The following ALKAL1 variants were observed in gnomAD, a reference collection of about 807,000 sequenced individuals.
The protein encoded by ALKAL1 is ALK and LTK ligand 1.
Under a neutral mutation model 13.5 loss-of-function variants are expected in ALKAL1, and 23 were observed. The observed-to-expected ratio is 1.70, with a 90% confidence interval of 1.23 to 2.41. ALKAL1 has a LOEUF of 2.41. Among genes scored for constraint, ALKAL1 ranks in the 30% most tolerant of loss-of-function variants. The pLI, the probability that ALKAL1 is intolerant of heterozygous loss-of-function variation, is 0.00. For synonymous variants in ALKAL1, 85 were observed against 77.7 expected (o/e 1.09, Z -0.49); for missense variants, 181 against 178.4 (o/e 1.01, Z -0.08).
chr8:52,554,228 C>T (rs1485593046), intron 1 of ALKAL1, among the ~76,000 whole-genome samples: 4 of 152,144 alleles, frequency 2.6e-5, no homozygotes, highest in South Asian at 4.1e-4. Context: ...CCGTCACACA[C>T]ACACAAAAAA....
chr8:52,560,697 A>C (rs1249196435), intron 1 of ALKAL1, among the ~76,000 whole-genome samples: 1 of 152,216 alleles, frequency 6.6e-6, no homozygotes, highest in Non-Finnish European at 1.5e-5. Context: ...TCCTGCAGAA[A>C]GGCCACAATT....
chr8:52,565,066 C>T lies in ALKAL1; in HGVS notation c.190+1G>A. On this transcript the variant is annotated splice_donor_variant, in intron 1 of 4. Coordinates refer to ENST00000358543, the MANE Select transcript of ALKAL1 (RefSeq NM_207413.4). LOFTEE classifies it high-confidence loss of function. ...GATGGGGCGGGATGGGGACATCGTACCTGCGCTCCGGGAGCCGCTGGGAGT... is the reference window on the plus strand; with the variant it reads ...GATGGGGCGGGATGGGGACATCGTATCTGCGCTCCGGGAGCCGCTGGGAGT... 7.2e-7 allele frequency: 1 copy of T among 1,396,060 alleles called. No homozygotes were observed. Among genetic ancestry groups the T allele is most frequent in the South Asian group, 1.6e-5 (1 of 62,362 alleles). 86.5% of individuals were successfully genotyped at this position (1,396,060 alleles called of 1,614,324 possible). A position where few individuals can be genotyped will look rare whatever the true frequency, so the allele number is the denominator to read the frequency against.
At chr8:52,549,804 T>C (rs2150345970) in intron 1 of ALKAL1, among the ~76,000 whole-genome samples, 1 of 151,998 alleles carries the variant, frequency 6.6e-6, no homozygotes, top group Non-Finnish European at 1.5e-5. Flanking sequence ...TAGTCAGGCG[T>C]GGTGGCACAC....
At position 52,534,349 on chromosome 8, in the gene ALKAL1, C is replaced by G. The variant is rs1847247503; in HGVS notation, c.*264G>C. ...CTAGTAAAAATAAAATACAATCACACAATTTTTAATATCTAATTTTCAATA... is the reference window on the plus strand; with the variant it reads ...CTAGTAAAAATAAAATACAATCACAGAATTTTTAATATCTAATTTTCAATA... On this transcript the variant is annotated 3_prime_UTR_variant, in exon 5 of 5. Transcript: ENST00000358543. 3.1e-6 allele frequency: 1 copy of G among 320,774 alleles called. No individual in the cohort carries two copies. The highest frequency in any genetic ancestry group is 5.6e-6 in the Non-Finnish European group (1 of 179,706). The allele number at this position is 320,774 out of a possible 1,614,324, so 19.9% of individuals were successfully genotyped here.
In ALKAL1 at chr8:52,539,930, A is replaced by G. The variant is rs1056705863; in HGVS notation, c.245-19T>C. Reference sequence around the variant, plus strand: ...ACCGGCCCTAGAGCACAGGAAAAGAATGCTTATTATAAACATAGGCATGTT... The same window carrying G: ...ACCGGCCCTAGAGCACAGGAAAAGAGTGCTTATTATAAACATAGGCATGTT... On this transcript the variant is annotated intron_variant, in intron 2 of 4. Coordinates refer to ENST00000358543, the MANE Select transcript of ALKAL1 (RefSeq NM_207413.4). 6.7e-7 allele frequency: 1 copy of G among 1,503,662 alleles called. No homozygotes were observed. Among genetic ancestry groups the G allele is most frequent in the Admixed American group, 1.9e-5 (1 of 53,672 alleles). 93.1% of individuals were successfully genotyped at this position (1,503,662 alleles called of 1,614,324 possible). A position where few individuals can be genotyped will look rare whatever the true frequency, so the allele number is the denominator to read the frequency against.
intron 1 of ALKAL1, among the ~76,000 whole-genome samples, chr8:52,556,376 G>A (rs549794265): frequency 5.2e-4 from 79 of 152,186 alleles, no homozygotes; most frequent in African/African-American, 1.9e-3. Context: ...GGCCGGGCGC[G>A]GTGGCTCACG....
At chr8:52,561,556 C>G (rs1287580191) in intron 1 of ALKAL1, among the ~76,000 whole-genome samples, 2 of 152,158 alleles carry the variant, frequency 1.3e-5, no homozygotes, top group African/African-American at 4.8e-5. Flanking sequence ...CTCCTGAGAG[C>G]TGCCGAAAGG....
At chr8:52,540,295 T>G (rs1847300524) in intron 2 of ALKAL1, among the ~76,000 whole-genome samples, 1 of 152,232 alleles carries the variant, frequency 6.6e-6, no homozygotes, top group South Asian at 2.1e-4. Flanking sequence ...TAGCAATTAA[T>G]GTTTACATGC....
intron 1 of ALKAL1, among the ~76,000 whole-genome samples, chr8:52,561,175 A>G (rs561444961): frequency 2.0e-5 from 3 of 152,334 alleles, no homozygotes; most frequent in African/African-American, 7.2e-5. Flanking sequence ...CACCAGGTAT[A>G]ACTGTCTAAG....
In ALKAL1 at chr8:52,538,896, A is replaced by AATTT. The variant is rs1476467229; in HGVS notation, c.326-393_326-390dup. ...TTATTTTATTTTATTTTGGAATTTT[A>AATTT]ATTTATTTATTTACTTATTTATTTA... is the stretch of plus-strand genomic sequence containing the variant. On this transcript the variant is annotated intron_variant, in intron 3 of 4. Coordinates refer to ENST00000358543, the MANE Select transcript of ALKAL1 (RefSeq NM_207413.4). 3.4e-4 allele frequency among the ~76,000 whole-genome samples: 52 copies of AATTT among 151,936 alleles called. No individual in the cohort carries two copies. The East Asian group carries it at 7.0e-3, about 20-fold the overall frequency.
rs189653812 is a variant in ALKAL1 at position 52,553,573 on chromosome 8, T to C, written c.191-11128A>G. On this transcript the variant is annotated intron_variant, in intron 1 of 4. Coordinates refer to ENST00000358543, the MANE Select transcript of ALKAL1 (RefSeq NM_207413.4). ...GACCGCCAAAGATGCCTTGGGTTTC[T>C]TTTATAAATTCAGGTAGACAAATTA... 3.3e-4 allele frequency among the ~76,000 whole-genome samples: 51 copies of C among 152,308 alleles called. No homozygotes were observed. The East Asian group carries it at 9.5e-3, about 28-fold the overall frequency.
At chr8:52,550,422 T>A (rs914827506) in intron 1 of ALKAL1, among the ~76,000 whole-genome samples, 2 of 137,948 alleles carry the variant, frequency 1.4e-5, no homozygotes, top group Admixed American at 7.1e-5. Flanking sequence ...GTGTGGCGCT[T>A]TTGAGCTGCA....
Position 52,565,260 on chromosome 8 carries a change from C to A in ALKAL1, c.-4G>T. 1 of 1,305,196 alleles carries A rather than the reference C, an allele frequency of 7.7e-7. No homozygotes were observed. Among genetic ancestry groups the A allele is most frequent in the South Asian group, 2.4e-5 (1 of 42,098 alleles). The allele number at this position is 1,305,196 out of a possible 1,614,324, so 80.9% of individuals were successfully genotyped here. A position where few individuals can be genotyped will look rare whatever the true frequency, so the allele number is the denominator to read the frequency against. ...CGCCGGGCTTAAGGGGCCGCATGTT[C>A]GCAAGCCGGGAGGAGAGAGCGGGAG... On this transcript the variant is annotated 5_prime_UTR_variant, in exon 1 of 5. Transcript: ENST00000358543.
intron 2 of ALKAL1, 121 bp downstream of exon 2, chr8:52,542,271 C>A: frequency 1.6e-6 from 1 of 636,080 alleles, no homozygotes; most frequent in Middle Eastern, 2.6e-4. Context: ...CCGTCCATCT[C>A]CCCAACTGGA....
rs895556535 is a variant in ALKAL1 at position 52,534,394 on chromosome 8, T to C, written c.*219A>G. 9 of 376,908 alleles carry C rather than the reference T, an allele frequency of 2.4e-5. No homozygotes were observed. The highest frequency in any genetic ancestry group is 1.7e-4 in the African/African-American group (8 of 48,134). The allele number at this position is 376,908 out of a possible 1,614,324, so 23.3% of individuals were successfully genotyped here. On this transcript the variant is annotated 3_prime_UTR_variant, in exon 5 of 5. Transcript: ENST00000358543. ...TCAATATGCGATTCAAACTCTGTTT[T>C]ACAAAATTATAAATTACTGTATACA...
chr8:52,562,828 T>C (rs1847564465), intron 1 of ALKAL1, among the ~76,000 whole-genome samples: 1 of 152,108 alleles, frequency 6.6e-6, no homozygotes, highest in Non-Finnish European at 1.5e-5. Flanking sequence ...TGCGAGATAT[T>C]TTCCTCCTGA....
At position 52,562,734 on chromosome 8, in the gene ALKAL1, GGTGCTTATTAC is replaced by G. The variant is rs200165302; in HGVS notation, c.190+2322_190+2332del. Among the ~76,000 whole-genome samples the G allele has an allele frequency of 5.8e-3, 883 of 152,290 alleles. 9 individuals are homozygous for G. Among genetic ancestry groups the G allele is most frequent in the African/African-American group, 0.021 (855 of 41,554 alleles). On this transcript the variant is annotated intron_variant, in intron 1 of 4. Coordinates refer to ENST00000358543, the MANE Select transcript of ALKAL1 (RefSeq NM_207413.4). ...AACAGGTACGTTAGGCCTGGGTGAT[GGTGCTTATTAC>G]GTCACTACAGAAATATGGGGCCATC... is the stretch of plus-strand genomic sequence containing the variant.
intron 1 of ALKAL1, among the ~76,000 whole-genome samples, chr8:52,554,089 T>C (rs1026165274): frequency 6.6e-5 from 10 of 152,132 alleles, no homozygotes; most frequent in African/African-American, 2.4e-4. Flanking sequence ...CTGGGCATGG[T>C]GGCGCATGCC....
chr8:52,551,280 T>C (rs1847424775), intron 1 of ALKAL1, among the ~76,000 whole-genome samples: 1 of 151,926 alleles, frequency 6.6e-6, no homozygotes. Context: ...CTTCCGAAAA[T>C]AGAAAATATT....
Sources: allele counts gnomAD v4.1 joint callset (sites outside exome capture counted in the v4.1 genomes callset), GRCh38; gene constraint gnomAD v4.1.1; transcripts MANE v1.5; gene names NCBI Gene and HGNC (gene_info 2026-07-23, HGNC 2026-07-21).